DOCK3: variants seen among roughly 807,000 people sequenced by gnomAD.
DOCK3 encodes dedicator of cytokinesis protein 3.
DOCK3 carries 60 observed loss-of-function variants against 265.6 expected under a neutral mutation model. The ratio of observed to expected loss-of-function variants is 0.23; its 90% confidence interval spans 0.18 to 0.28. DOCK3 has a LOEUF of 0.28. Ranked by LOEUF, DOCK3 falls within the 10% of genes least tolerant of loss-of-function variation. The pLI is 1.00. For missense variants in DOCK3, 1,981 were observed against 2,594.3 expected, an observed-to-expected ratio of 0.76 and a Z score of 5.14; for synonymous variants, 881 against 938.0, an observed-to-expected ratio of 0.94 and a Z score of 1.11.
chr3:51,298,303 T>G (rs149708750), intron 27 of DOCK3, among the ~76,000 whole-genome samples: 412 of 152,372 alleles, frequency 2.7e-3, no homozygotes, highest in Non-Finnish European at 4.9e-3. Context: ...GTCACTTCTT[T>G]TGTTCCTAAT....
intron 3 of DOCK3, chr3:50,877,462 C>A (rs1261497711): frequency 5.8e-6 from 3 of 519,940 alleles, no homozygotes; most frequent in Non-Finnish European, 1.2e-5. Context: ...TAAGGCTGAG[C>A]CAAATCAGAA....
intron 9 of DOCK3, among the ~76,000 whole-genome samples, chr3:51,130,948 T>C (rs2084502510): frequency 6.6e-6 from 1 of 152,100 alleles, no homozygotes; most frequent in Non-Finnish European, 1.5e-5. Context: ...GCTCAGGCAA[T>C]TCACCCACCT....
At chr3:51,256,010 C>G (rs1222558273) in intron 22 of DOCK3, among the ~76,000 whole-genome samples, 4 of 152,098 alleles carry the variant, frequency 2.6e-5, no homozygotes, top group African/African-American at 7.2e-5. Context: ...TTTTATCTAC[C>G]TTTGGTCTTT....
chr3:50,969,018 A>T (rs1309360296), intron 5 of DOCK3, among the ~76,000 whole-genome samples: 1 of 152,168 alleles, frequency 6.6e-6, no homozygotes, highest in Non-Finnish European at 1.5e-5. Flanking sequence ...GTCCAATTTA[A>T]GTCCAGGATT....
intron 3 of DOCK3, among the ~76,000 whole-genome samples, chr3:50,845,447 C>CA (rs1376160465): frequency 6.6e-6 from 1 of 152,058 alleles, no homozygotes; most frequent in Non-Finnish European, 1.5e-5. Context: ...GAGATAGGAA[C>CA]AGGGCCTTAT....
At chr3:50,848,305 A>G (rs1433624913) in intron 3 of DOCK3, among the ~76,000 whole-genome samples, 2 of 152,184 alleles carry the variant, frequency 1.3e-5, no homozygotes, top group African/African-American at 4.8e-5. Context: ...TACATTCAAC[A>G]TTAATACTGA....
intron 5 of DOCK3, among the ~76,000 whole-genome samples, chr3:50,982,590 C>G (rs2077733807): frequency 6.6e-6 from 1 of 152,198 alleles, no homozygotes; most frequent in Non-Finnish European, 1.5e-5. Context: ...TGTGTTGCTG[C>G]TCTCACCTGC....
chr3:50,785,929 T>C (rs2042161833), intron 2 of DOCK3, among the ~76,000 whole-genome samples: 1 of 152,084 alleles, frequency 6.6e-6, no homozygotes, highest in African/African-American at 2.4e-5. Context: ...TGAATCCTTC[T>C]GGTCCTGGAC....
chr3:51,227,348 C>T lies in DOCK3; in HGVS notation c.1443C>T (p.His481=), dbSNP rs764814125. ...RSSYHSFVLY[H]SNSPRWGEII... is the part of the protein sequence containing the mutation. ...CCTACCACTCCTTTGTCCTCTACCA[C>T]AGTAATAGTCCTCGCTGGGGAGAAA... Residue 481 remains histidine, a synonymous_variant, in exon 16 of 53, where the codon CAC becomes CAT. Transcript: ENST00000266037. 5.0e-6 allele frequency: 8 copies of T among 1,613,850 alleles called. No homozygotes were observed. Among genetic ancestry groups the T allele is most frequent in the Non-Finnish European group, 6.8e-6 (8 of 1,179,892 alleles).
intron 22 of DOCK3, among the ~76,000 whole-genome samples, chr3:51,258,034 C>T (rs1396021036): frequency 6.6e-6 from 1 of 152,162 alleles, no homozygotes; most frequent in Non-Finnish European, 1.5e-5. Flanking sequence ...TCTCTGACAT[C>T]AGCCTTGTGC....
chr3:50,909,265 G>C (rs2049727701), intron 4 of DOCK3, among the ~76,000 whole-genome samples: 1 of 152,066 alleles, frequency 6.6e-6, no homozygotes, highest in Admixed American at 6.6e-5. Context: ...CATGGTGTTA[G>C]CTGGTTATTT....
At chr3:51,272,579 G>A (rs1168816830) in intron 24 of DOCK3, among the ~76,000 whole-genome samples, 9 of 151,382 alleles carry the variant, frequency 5.9e-5, no homozygotes, top group East Asian at 1.9e-4. Context: ...GAGACACCGC[G>A]CCCGGCCAGG....
chr3:50,757,163 CTTT>C (rs34435343), intron 1 of DOCK3, among the ~76,000 whole-genome samples: 5 of 81,628 alleles, frequency 6.1e-5, no homozygotes, highest in Admixed American at 3.9e-4. Context: ...AGATTGTCGT[CTTT>C]TTTTTTTTTT....
intron 1 of DOCK3, among the ~76,000 whole-genome samples, chr3:50,700,234 G>T (rs184397502): frequency 6.6e-6 from 1 of 152,204 alleles, no homozygotes; most frequent in African/African-American, 2.4e-5. Flanking sequence ...AGCGGAGATC[G>T]CACCATTGCA....
chr3:50,929,507 T>A (rs1050567560), intron 4 of DOCK3, among the ~76,000 whole-genome samples: 2 of 152,224 alleles, frequency 1.3e-5, no homozygotes, highest in African/African-American at 4.8e-5. Flanking sequence ...GAATCTGGCC[T>A]TGCTTCTCAT....
chr3:50,904,864 AG>A (rs1440332672), intron 4 of DOCK3, among the ~76,000 whole-genome samples: 1 of 152,102 alleles, frequency 6.6e-6, no homozygotes. Flanking sequence ...GGTATTGCCC[AG>A]GTTTTCTTCT....
At chr3:51,358,449 T>C (rs1445000202) in intron 46 of DOCK3, among the ~76,000 whole-genome samples, 2 of 152,194 alleles carry the variant, frequency 1.3e-5, no homozygotes, top group African/African-American at 4.8e-5. Context: ...GAGATAGGCA[T>C]GGCCTGAGCC....
Position 51,362,430 on chromosome 3 carries a change from G to A in DOCK3, c.5146-97G>A. The A allele has an allele frequency of 5.3e-6, 8 of 1,507,142 alleles. No homozygotes were observed. The East Asian group carries it at 1.6e-4, about 30-fold the overall frequency. 93.4% of individuals were successfully genotyped at this position (1,507,142 alleles called of 1,614,324 possible). A position where few individuals can be genotyped will look rare whatever the true frequency, so the allele number is the denominator to read the frequency against. On this transcript the variant is annotated intron_variant, in intron 48 of 52. Transcript: ENST00000266037. ...CTCAGGGGATAGCATAAGGCACTGG[G>A]GCAGAACACCTCAGGGCATGAAAAA...
At chr3:51,171,338 A>G (rs1040348058) in intron 12 of DOCK3, among the ~76,000 whole-genome samples, 1 of 152,170 alleles carries the variant, frequency 6.6e-6, no homozygotes. Context: ...TGAAATTTTC[A>G]GTTTTCCTCG....
Sources: allele counts gnomAD v4.1 joint callset (sites outside exome capture counted in the v4.1 genomes callset), GRCh38; gene constraint gnomAD v4.1.1; transcripts MANE v1.5; gene names NCBI Gene and HGNC (gene_info 2026-07-23, HGNC 2026-07-21).